The following ZHX2 variants were observed in gnomAD, a reference collection of about 807,000 sequenced individuals.
The protein encoded by ZHX2 is zinc fingers and homeoboxes protein 2.
A neutral mutation model predicts 21.9 loss-of-function variants in ZHX2; 6 were observed. The observed-to-expected ratio is 0.27, with a 90% CI of 0.15 to 0.54. ZHX2 has a LOEUF of 0.54. Ranked by LOEUF, ZHX2 falls within the 20% of genes least tolerant of loss-of-function variation. The pLI, the probability that ZHX2 is intolerant of heterozygous loss-of-function variation, is 0.95. For synonymous variants in ZHX2, 434 were observed against 437.1 expected, an observed-to-expected ratio of 0.99 and a Z score of 0.09; for missense variants, 908 against 1,090.7, an observed-to-expected ratio of 0.83 and a Z score of 2.36.
At chr8:122,965,033 G>GTT (rs1292545030) in intron 3 of ZHX2, among the ~76,000 whole-genome samples, 39 of 121,858 alleles carry the variant, frequency 3.2e-4, no homozygotes, top group South Asian at 9.0e-4. Context: ...TCTCTCTTCT[G>GTT]TTTTTTTTTT....
chr8:122,869,304 T>C (rs1031788786), intron 2 of ZHX2, among the ~76,000 whole-genome samples: 20 of 150,434 alleles, frequency 1.3e-4, no homozygotes, highest in Non-Finnish European at 2.9e-5. Flanking sequence ...CTGTGGTGTA[T>C]CCCTCTCCTC....
intron 2 of ZHX2, among the ~76,000 whole-genome samples, chr8:122,917,786 G>A (rs144643660): frequency 3.3e-5 from 5 of 152,236 alleles, no homozygotes; most frequent in African/African-American, 4.8e-5. Context: ...CAAATGTGCC[G>A]TGACATGTCT....
chr8:122,793,672 A>C (rs532589120), intron 1 of ZHX2, among the ~76,000 whole-genome samples: 13 of 152,350 alleles, frequency 8.5e-5, no homozygotes, highest in African/African-American at 2.9e-4. Context: ...ATTCTAGATG[A>C]ATAACAGATG....
chr8:122,965,760 A>C (rs556560268), intron 3 of ZHX2, among the ~76,000 whole-genome samples: 24 of 152,160 alleles, frequency 1.6e-4, no homozygotes, highest in African/African-American at 5.8e-4. Context: ...TGAAGTCCCC[A>C]CTATTATTGA....
At chr8:122,835,373 A>T (rs1418075015) in intron 1 of ZHX2, among the ~76,000 whole-genome samples, 1 of 152,154 alleles carries the variant, frequency 6.6e-6, no homozygotes, top group Non-Finnish European at 1.5e-5. Flanking sequence ...TGAAGGGGGA[A>T]GGGTGGTTGA....
At chr8:122,956,619 C>T (rs563096082) in intron 3 of ZHX2, among the ~76,000 whole-genome samples, 1 of 152,078 alleles carries the variant, frequency 6.6e-6, no homozygotes, top group African/African-American at 2.4e-5. Flanking sequence ...GGTGAGAAAC[C>T]AAAAGAGGTT....
At chr8:122,865,105 G>A (rs1819256764) in intron 2 of ZHX2, among the ~76,000 whole-genome samples, 1 of 151,930 alleles carries the variant, frequency 6.6e-6, no homozygotes, top group Non-Finnish European at 1.5e-5. Context: ...AGGGAGAGGA[G>A]AGGACTGAAC....
intron 2 of ZHX2, among the ~76,000 whole-genome samples, chr8:122,907,772 T>C (rs1820382557): frequency 6.6e-6 from 1 of 152,108 alleles, no homozygotes; most frequent in South Asian, 2.1e-4. Flanking sequence ...ATTGTGAGGA[T>C]TAAATGAGAT....
chr8:122,819,058 A>C (rs1409362099), intron 1 of ZHX2, among the ~76,000 whole-genome samples: 2 of 152,210 alleles, frequency 1.3e-5, no homozygotes, highest in African/African-American at 4.8e-5. Flanking sequence ...CGAAGAGAGA[A>C]GGCATTAAGA....
chr8:122,834,409 G>C (rs1183424603), intron 1 of ZHX2, among the ~76,000 whole-genome samples: 2 of 152,220 alleles, frequency 1.3e-5, no homozygotes, highest in African/African-American at 4.8e-5. Flanking sequence ...GCTTACCTGG[G>C]TTTGGGCATT....
chr8:122,840,192 T>C (rs1818594665), intron 1 of ZHX2, among the ~76,000 whole-genome samples: 1 of 152,240 alleles, frequency 6.6e-6, no homozygotes. Flanking sequence ...ATGCTCCAAG[T>C]GTGGTCTTTC....
intron 1 of ZHX2, among the ~76,000 whole-genome samples, chr8:122,789,473 CCTGT>C (rs1268346635): frequency 2.0e-5 from 3 of 152,166 alleles, no homozygotes; most frequent in Non-Finnish European, 2.9e-5. Flanking sequence ...TGCATGGCAC[CCTGT>C]CTTTTTGAAG....
chr8:122,783,297 GC>G (rs1483743996), intron 1 of ZHX2, among the ~76,000 whole-genome samples: 1 of 152,008 alleles, frequency 6.6e-6, no homozygotes, highest in Non-Finnish European at 1.5e-5. Flanking sequence ...GCTCAGCTTG[GC>G]CCCCTGGGAC....
intron 2 of ZHX2, among the ~76,000 whole-genome samples, chr8:122,870,638 C>CAAAA (rs59071295): frequency 1.1e-4 from 7 of 63,896 alleles, no homozygotes; most frequent in Non-Finnish European, 1.1e-4. Context: ...GTCTCTGTCT[C>CAAAA]AAAAAAAAAA....
chr8:122,939,575 A>C (rs1812791489), intron 2 of ZHX2, among the ~76,000 whole-genome samples: 3 of 152,180 alleles, frequency 2.0e-5, no homozygotes, highest in Admixed American at 2.0e-4. Flanking sequence ...GCCTTTTAAC[A>C]GGGAGACCAA....
chr8:122,971,277 T>C (rs1317060832), intron 3 of ZHX2, among the ~76,000 whole-genome samples: 1 of 147,720 alleles, frequency 6.8e-6, no homozygotes, highest in East Asian at 2.0e-4. Flanking sequence ...GCACTTTTCC[T>C]CCTGAGCTTC....
intron 1 of ZHX2, among the ~76,000 whole-genome samples, chr8:122,859,535 C>T (rs1002363882): frequency 6.6e-6 from 1 of 151,774 alleles, no homozygotes; most frequent in Non-Finnish European, 1.5e-5. Flanking sequence ...GGCTGTGGAG[C>T]ATGATGGGTT....
intron 1 of ZHX2, among the ~76,000 whole-genome samples, chr8:122,839,555 T>G (rs1317573265): frequency 6.6e-6 from 1 of 152,190 alleles, no homozygotes; most frequent in Non-Finnish European, 1.5e-5. Context: ...AAAGCACACT[T>G]ATGGACATAA....
At chr8:122,933,488 C>T (rs1003960868) in intron 2 of ZHX2, among the ~76,000 whole-genome samples, 3 of 151,762 alleles carry the variant, frequency 2.0e-5, no homozygotes, top group Admixed American at 6.6e-5. Flanking sequence ...CCTGGTTTTC[C>T]GTGTTTGTGG....
Sources: allele counts gnomAD v4.1 joint callset (sites outside exome capture counted in the v4.1 genomes callset), GRCh38; gene constraint gnomAD v4.1.1; transcripts MANE v1.5; gene names NCBI Gene and HGNC (gene_info 2026-07-23, HGNC 2026-07-21).